Variants in CMIP observed in about 807,000 individuals in gnomAD.
CMIP encodes the protein C-Maf-inducing protein.
CMIP carries 13 observed loss-of-function variants against 97.3 expected under a neutral mutation model. The observed-to-expected ratio is 0.13, with a 90% CI of 0.09 to 0.21. The LOEUF (loss-of-function observed/expected upper bound fraction) is 0.21. CMIP is among the 10% of genes least tolerant of loss of function. The probability of loss-of-function intolerance (pLI) is 1.00; values close to 1 mark genes in which losing one functional copy is unlikely to be tolerated. For missense variants in CMIP, 847 were observed against 1,024.9 expected (o/e 0.83, Z 2.37); for synonymous variants, 538 against 436.3 (o/e 1.23, Z -2.91).
intron 1 of CMIP, among the ~76,000 whole-genome samples, chr16:81,548,330 C>T (rs187825947): frequency 9.3e-4 from 141 of 152,138 alleles, no homozygotes; most frequent in Middle Eastern, 3.4e-3. Flanking sequence ...GATGGGGTCT[C>T]GTTTTGTTGT....
At chr16:81,584,388 A>G (rs1051623291) in intron 1 of CMIP, among the ~76,000 whole-genome samples, 2 of 152,246 alleles carry the variant, frequency 1.3e-5, no homozygotes, top group Admixed American at 6.5e-5. Flanking sequence ...TCTGAAGCGT[A>G]GGAAGGAGAC....
chr16:81,690,263 G>A (rs1293960805), intron 10 of CMIP, among the ~76,000 whole-genome samples: 1 of 152,140 alleles, frequency 6.6e-6, no homozygotes, highest in Non-Finnish European at 1.5e-5. Flanking sequence ...CCATTTTCAC[G>A]ATATTGATTC....
chr16:81,673,767 A>G (rs2092704202), intron 9 of CMIP, among the ~76,000 whole-genome samples: 1 of 152,108 alleles, frequency 6.6e-6, no homozygotes, highest in Admixed American at 6.5e-5. Context: ...TTCTGCAGTG[A>G]CCTCTGGTGT....
chr16:81,602,321 A>G (rs2091671149), intron 1 of CMIP, among the ~76,000 whole-genome samples: 1 of 152,266 alleles, frequency 6.6e-6, no homozygotes. Flanking sequence ...TATTAAAATA[A>G]TCAGGAAAGT....
intron 6 of CMIP, among the ~76,000 whole-genome samples, chr16:81,661,229 C>T (rs956196198): frequency 3.9e-5 from 6 of 152,244 alleles, no homozygotes; most frequent in African/African-American, 1.4e-4. Context: ...TTCCTGGGCT[C>T]ATGACGTCAG....
chr16:81,670,298 G>C, intron 8 of CMIP, 53 bp downstream of exon 8: 1 of 1,544,974 alleles, frequency 6.5e-7, no homozygotes, highest in Non-Finnish European at 8.8e-7. Flanking sequence ...TTTCCTCTCG[G>C]ATCCTGTTTA....
chr16:81,697,069 G>A (rs1371376188), intron 14 of CMIP: 1 of 230,150 alleles, frequency 4.3e-6, no homozygotes, highest in Non-Finnish European at 8.6e-6. Context: ...AGGCACTGCA[G>A]GTCCACCAGC....
At chr16:81,687,468 A>G (rs1031066380) in intron 10 of CMIP, among the ~76,000 whole-genome samples, 11 of 152,178 alleles carry the variant, frequency 7.2e-5, no homozygotes, top group African/African-American at 2.7e-4. Flanking sequence ...CGGAGTCCCT[A>G]TAGCCAGAGA....
At chr16:81,686,996 A>C (rs570027048) in intron 10 of CMIP, among the ~76,000 whole-genome samples, 79 of 152,214 alleles carry the variant, frequency 5.2e-4, no homozygotes, top group Non-Finnish European at 9.7e-4. Flanking sequence ...AACACAGACC[A>C]CTGGACAAGG....
chr16:81,561,155 A>G (rs1480314778), intron 1 of CMIP, among the ~76,000 whole-genome samples: 1 of 152,186 alleles, frequency 6.6e-6, no homozygotes, highest in Non-Finnish European at 1.5e-5. Flanking sequence ...GGGTTTCACC[A>G]TGTTGACCAG....
intron 7 of CMIP, among the ~76,000 whole-genome samples, chr16:81,667,792 G>GAC (rs2092622378): frequency 1.8e-5 from 2 of 108,560 alleles, no homozygotes; most frequent in African/African-American, 7.7e-5. Flanking sequence ...GAGAGAGAGA[G>GAC]AGAGAGAGTG....
At chr16:81,582,593 C>T (rs1325902612) in intron 1 of CMIP, among the ~76,000 whole-genome samples, 1 of 152,076 alleles carries the variant, frequency 6.6e-6, no homozygotes, top group Non-Finnish European at 1.5e-5. Flanking sequence ...GACCACTTTC[C>T]AGCAAACACT....
intron 10 of CMIP, among the ~76,000 whole-genome samples, chr16:81,680,212 C>G (rs1449408580): frequency 6.6e-6 from 1 of 152,204 alleles, no homozygotes; most frequent in Admixed American, 6.5e-5. Flanking sequence ...GGTGGGGTTT[C>G]CCTGAGCCCC....
chr16:81,532,353 G>A (rs1450029132), intron 1 of CMIP, among the ~76,000 whole-genome samples: 5 of 152,200 alleles, frequency 3.3e-5, no homozygotes, highest in African/African-American at 7.2e-5. Flanking sequence ...GGAGGTATAC[G>A]CACAGATATA....
At chr16:81,644,490 G>T (rs556684768) in intron 3 of CMIP, among the ~76,000 whole-genome samples, 10 of 152,280 alleles carry the variant, frequency 6.6e-5, no homozygotes, top group Non-Finnish European at 1.0e-4. Context: ...GCAGTTTGGG[G>T]GTAACACCCA....
chr16:81,471,170 T>G (rs915789035), intron 1 of CMIP, among the ~76,000 whole-genome samples: 1 of 152,178 alleles, frequency 6.6e-6, no homozygotes, highest in Non-Finnish European at 1.5e-5. Context: ...CGTATACACA[T>G]AGGCACAATA....
At chr16:81,645,446 C>G (rs957933138) in intron 3 of CMIP, 49 of 1,517,104 alleles carry the variant, frequency 3.2e-5, no homozygotes, top group Non-Finnish European at 4.2e-5. Flanking sequence ...CCAGTGCATT[C>G]TGAGTCACTC....
chr16:81,571,522 A>C (rs988842741), intron 1 of CMIP, among the ~76,000 whole-genome samples: 1 of 135,658 alleles, frequency 7.4e-6, no homozygotes, highest in African/African-American at 2.8e-5. Flanking sequence ...GCATTTTGGG[A>C]GGCCCAGATG....
intron 1 of CMIP, among the ~76,000 whole-genome samples, chr16:81,549,419 G>A (rs769727618): frequency 6.6e-6 from 1 of 152,174 alleles, no homozygotes; most frequent in Non-Finnish European, 1.5e-5. Flanking sequence ...GCAGCCGAGG[G>A]CCGTTGGGAA....
Sources: gnomAD v4.1 joint callset for allele counts (sites outside exome capture counted in the v4.1 genomes callset) on GRCh38, gnomAD v4.1.1 for gene constraint, MANE v1.5 for transcripts, NCBI Gene and HGNC (gene_info 2026-07-23, HGNC 2026-07-21) for gene names.